Variants in OLAH observed in about 807,000 individuals in gnomAD.
OLAH encodes the protein oleoyl-ACP hydrolase.
Under a neutral mutation model 27.8 loss-of-function variants are expected in OLAH, and 33 were observed. The ratio of observed to expected loss-of-function variants is 1.19; its 90% confidence interval spans 0.90 to 1.59. The LOEUF is 1.59. Among genes scored for constraint, OLAH ranks in the 40% most tolerant of loss-of-function variants. The pLI is 0.00. For synonymous variants in OLAH, 120 were observed against 102.9 expected (o/e 1.17, Z -1.01); for missense variants, 359 against 310.8 (o/e 1.16, Z -1.17).
rs752500462 is a variant in OLAH at position 15,049,100 on chromosome 10, C to CTTTTT, written c.33-519_33-515dup. On this transcript the variant is annotated intron_variant, in intron 2 of 7. Coordinates refer to ENST00000378228, the MANE Select transcript of OLAH (RefSeq NM_001039702.3). Reference sequence around the variant, plus strand: ...CCTGGGCAACAAAGTGAGACTATGTCTTTTTTTTTTTTTTTTTTTTGGAGA... The same window carrying CTTTTT: ...CCTGGGCAACAAAGTGAGACTATGTCTTTTTTTTTTTTTTTTTTTTTTTTTGGAGA... Among the ~76,000 whole-genome samples, 4 of 55,336 alleles carry CTTTTT rather than the reference C, an allele frequency of 7.2e-5. 1 individual carries two copies. Among genetic ancestry groups the CTTTTT allele is most frequent in the Non-Finnish European group, 1.4e-4 (4 of 29,016 alleles). The allele number at this position is 55,336 out of a possible 152,430, so 36.3% of individuals were successfully genotyped here.
intron 3 of OLAH, among the ~76,000 whole-genome samples, chr10:15,050,151 C>T (rs1053078360): frequency 3.3e-5 from 5 of 152,200 alleles, no homozygotes; most frequent in African/African-American, 7.2e-5. Flanking sequence ...GGCGCAGTGG[C>T]GCACGCTTGT....
intron 3 of OLAH, chr10:15,056,989 T>A (rs1256277213): frequency 2.1e-6 from 3 of 1,411,264 alleles, no homozygotes; most frequent in Non-Finnish European, 2.8e-6. Context: ...TTTAGTAGGT[T>A]TTTTGTGTTG....
At chr10:15,054,885 C>T (rs538927161) in intron 3 of OLAH, among the ~76,000 whole-genome samples, 16 of 152,208 alleles carry the variant, frequency 1.1e-4, no homozygotes, top group African/African-American at 2.4e-4. Context: ...AGTGTTCTTT[C>T]GTTTCCACTA....
chr10:15,035,307 A>G (rs1409484709), intron 1 of OLAH, among the ~76,000 whole-genome samples: 1 of 152,176 alleles, frequency 6.6e-6, no homozygotes, highest in African/African-American at 2.4e-5. Flanking sequence ...GCTTTGCTAT[A>G]AAGAAATACC....
chr10:15,049,694 G>A lies in OLAH; in HGVS notation c.92G>A (p.Cys31Tyr), dbSNP rs750824497. 1.1e-5 allele frequency: 18 copies of A among 1,609,886 alleles called. No homozygotes were observed. The highest frequency in any genetic ancestry group is 1.5e-5 in the Non-Finnish European group (18 of 1,179,000). ...CCTGAGGCAACTTTTAAGCTGATTT[G>A]CTTTCCCTGGATGGGAGGTGGCTCC... Reference protein sequence around the residue: ...KNPEATFKLICFPWMGGGSTH... With the variant: ...KNPEATFKLIYFPWMGGGSTH... The change falls in exon 3 of 8, where the codon TGC (cysteine) becomes TAC (tyrosine). Residue 31 changes from cysteine to tyrosine, a missense_variant. Cys to Tyr is a radical substitution (Grantham distance 194). Transcript: ENST00000378228.
At chr10:15,057,372 A>G (rs956260696) in intron 3 of OLAH, among the ~76,000 whole-genome samples, 1 of 144,142 alleles carries the variant, frequency 6.9e-6, no homozygotes, top group Non-Finnish European at 1.5e-5. Flanking sequence ...GAGTTTTCAC[A>G]TGTATGTGGG....
At chr10:15,051,629 A>AT (rs916256918) in intron 3 of OLAH, among the ~76,000 whole-genome samples, 1 of 151,576 alleles carries the variant, frequency 6.6e-6, no homozygotes. Context: ...AACTTACTGT[A>AT]TTTTTTTCTT....
intron 3 of OLAH, chr10:15,057,043 T>C: frequency 9.1e-6 from 12 of 1,312,868 alleles, no homozygotes; most frequent in Non-Finnish European, 1.1e-5. Context: ...TAATGTGGTG[T>C]CTTCTGACTC....
Position 15,061,790 on chromosome 10 carries a change from A to G in OLAH, c.230A>G (p.Gln77Arg), listed in dbSNP as rs753531013. Residue 77 changes from glutamine (Q) to arginine (R), a missense_variant, in exon 4 of 8, where the codon CAG (glutamine) becomes CGG (arginine). Transcript: ENST00000378228. ...VEEPLENDISQLVDEVVCALQ... is the reference protein window; with the variant it reads ...VEEPLENDISRLVDEVVCALQ... ...GAACCTCTTGAAAATGACATCTCCC[A>G]GTTAGTTGATGAAGTTGTTTGTGCT... 2 of 1,613,964 alleles carry G rather than the reference A, an allele frequency of 1.2e-6. No individual in the cohort carries two copies. Among genetic ancestry groups the G allele is most frequent in the Non-Finnish European group, 1.7e-6 (2 of 1,179,940 alleles).
intron 3 of OLAH, among the ~76,000 whole-genome samples, chr10:15,058,782 G>T (rs908234429): frequency 6.6e-6 from 1 of 151,958 alleles, no homozygotes; most frequent in Non-Finnish European, 1.5e-5. Flanking sequence ...TTGAATTCTC[G>T]TGGGTTTTAT....
At chr10:15,036,762 T>G (rs1843846315) in intron 1 of OLAH, among the ~76,000 whole-genome samples, 1 of 152,066 alleles carries the variant, frequency 6.6e-6, no homozygotes, top group Non-Finnish European at 1.5e-5. Flanking sequence ...AGTTCTAGGA[T>G]TACAGCCTCT....
chr10:15,051,448 T>C (rs1039842064), intron 3 of OLAH, among the ~76,000 whole-genome samples: 5 of 152,256 alleles, frequency 3.3e-5, no homozygotes, highest in African/African-American at 4.8e-5. Flanking sequence ...TCTGATCTAA[T>C]GGCTGCAAGC....
At chr10:15,064,877 G>C (rs1407411922) in intron 5 of OLAH, among the ~76,000 whole-genome samples, 2 of 152,070 alleles carry the variant, frequency 1.3e-5, no homozygotes, top group African/African-American at 4.8e-5. Context: ...GGCTGGTCTT[G>C]AACTCCTGAC....
At chr10:15,050,244 C>T (rs1844108689) in intron 3 of OLAH, among the ~76,000 whole-genome samples, 1 of 152,244 alleles carries the variant, frequency 6.6e-6, no homozygotes, top group South Asian at 2.1e-4. Flanking sequence ...ACAGTGAGAC[C>T]CCATCTCTAT....
intron 3 of OLAH, among the ~76,000 whole-genome samples, chr10:15,059,070 CTCTCCTTCCCTT>C (rs1844307666): frequency 2.3e-5 from 2 of 88,822 alleles, no homozygotes; most frequent in Non-Finnish European, 5.1e-5. Context: ...TTCCTTCCCT[CTCTCCTTCCCTT>C]CCTTCCCTCC....
At chr10:15,034,950 C>T (rs1843819382) in intron 1 of OLAH, among the ~76,000 whole-genome samples, 1 of 151,944 alleles carries the variant, frequency 6.6e-6, no homozygotes, top group Non-Finnish European at 1.5e-5. Flanking sequence ...TACAGGTGCG[C>T]ACCACCACGC....
rs1313983536 is a variant in OLAH at position 15,043,991 on chromosome 10, G to A, written c.-164+5G>A. 6.6e-6 allele frequency: 1 copy of A among 152,124 alleles called. No individual in the cohort carries two copies. The highest frequency in any genetic ancestry group is 1.5e-5 in the Non-Finnish European group (1 of 68,028). 9.4% of individuals were successfully genotyped at this position (152,124 alleles called of 1,614,324 possible). On this transcript the variant is annotated splice_donor_5th_base_variant and intron_variant, in intron 1 of 7. Coordinates refer to ENST00000378228, the MANE Select transcript of OLAH (RefSeq NM_001039702.3). ...GTTCATCTCAAAGCCTGGCAAGTGA[G>A]TATCTTATATTTTAAATTATCTAAA...
intron 3 of OLAH, among the ~76,000 whole-genome samples, chr10:15,050,950 T>A (rs988568302): frequency 1.1e-4 from 17 of 152,048 alleles, no homozygotes; most frequent in African/African-American, 2.7e-4. Context: ...TATTGCCTTA[T>A]TAGCCATAGT....
intron 5 of OLAH, among the ~76,000 whole-genome samples, chr10:15,064,934 G>C (rs377364373): frequency 1.3e-5 from 2 of 152,204 alleles, no homozygotes; most frequent in East Asian, 1.9e-4. Flanking sequence ...TGGGATTACA[G>C]GTGTGAGCCA....
Sources: allele counts gnomAD v4.1 joint callset (sites outside exome capture counted in the v4.1 genomes callset), GRCh38; gene constraint gnomAD v4.1.1; transcripts MANE v1.5; gene names NCBI Gene and HGNC (gene_info 2026-07-23, HGNC 2026-07-21).